Variants in ACOT11 observed in about 807,000 individuals in gnomAD.
The protein encoded by ACOT11 is acyl-coenzyme A thioesterase 11.
In ACOT11, 69 loss-of-function variants were observed where a neutral mutation model predicts 77.5. The ratio of observed to expected loss-of-function variants is 0.89; its 90% CI spans 0.73 to 1.09. The LOEUF (loss-of-function observed/expected upper bound fraction) is 1.09, where lower values mean the gene tolerates loss of function less well. Among genes scored for constraint, ACOT11 ranks in the 50% least tolerant of loss-of-function variants. The pLI is 0.00. For missense variants in ACOT11, 766 were observed against 813.7 expected (o/e 0.94, Z 0.71); for synonymous variants, 279 against 313.0 (o/e 0.89, Z 1.15).
chr1:54,609,545 A>T lies in ACOT11; in HGVS notation c.*433A>T. On this transcript the variant is annotated 3_prime_UTR_variant, in exon 16 of 16. Coordinates refer to ENST00000343744, the MANE Select transcript of ACOT11 (RefSeq NM_147161.4). ...CTGGCACAACTCTAGCATATCTGTG[A>T]GCAGCTGTTCCCTGTAGCCACTGCC... The T allele has an allele frequency of 1.9e-6, 3 of 1,612,850 alleles. No individual in the cohort carries two copies. The highest frequency in any genetic ancestry group is 2.2e-5 in the East Asian group (1 of 44,876).
At position 54,609,826 on chromosome 1, in the gene ACOT11, C is replaced by T; in HGVS notation, c.*714C>T. On this transcript the variant is annotated 3_prime_UTR_variant, in exon 16 of 16. Coordinates refer to ENST00000343744, the MANE Select transcript of ACOT11 (RefSeq NM_147161.4). ...AGTGTCCGGGATGTGTGGCCAGCTG[C>T]TGCAGGCAGGACTCCAGCGTCAGGA... is the stretch of plus-strand genomic sequence containing the variant. 6.2e-7 allele frequency: 1 copy of T among 1,614,206 alleles called. No homozygotes were observed. The highest frequency in any genetic ancestry group is 1.1e-5 in the South Asian group (1 of 91,092).
In ACOT11 at chr1:54,609,032, T is replaced by TG; in HGVS notation, c.1705_1706insG (p.Phe569CysfsTer9). ...CAACGTGGCCGGCCTCTCCTCTGAGTTCTACACCACCTTCAAGGCTTGTGA... is the reference window on the plus strand; with the variant it reads ...CAACGTGGCCGGCCTCTCCTCTGAGTGTCTACACCACCTTCAAGGCTTGTGA... On this transcript the variant is annotated frameshift_variant, in exon 16 of 16. Coordinates refer to ENST00000343744, the MANE Select transcript of ACOT11 (RefSeq NM_147161.4). LOFTEE classifies it high-confidence loss of function. The TG allele has an allele frequency of 1.2e-6, 2 of 1,602,498 alleles. No homozygotes were observed. The highest frequency in any genetic ancestry group is 1.7e-6 in the Non-Finnish European group (2 of 1,174,784).
chr1:54,593,480 G>A (rs1404627414), intron 4 of ACOT11, among the ~76,000 whole-genome samples: 1 of 41,932 alleles, frequency 2.4e-5, no homozygotes. Flanking sequence ...TTTTTTTTTT[G>A]CAGAGACAGG....
chr1:54,593,751 G>A (rs1306400725), intron 4 of ACOT11, among the ~76,000 whole-genome samples, 190 bp from the exon 5 acceptor site: 1 of 152,142 alleles, frequency 6.6e-6, no homozygotes, highest in Non-Finnish European at 1.5e-5. Flanking sequence ...ACTTGCCCAA[G>A]GTTTCCCGGG....
In ACOT11 at chr1:54,594,128, G is replaced by A; in HGVS notation, c.471+89G>A. ...CTGGCTCAGGGGAATGAGGTTAGGG[G>A]TTGGCAGAGGGGATGGGGAGGGACA... is the stretch of plus-strand genomic sequence containing the variant. On this transcript the variant is annotated intron_variant, in intron 5 of 15. Transcript: ENST00000343744. 5.0e-6 allele frequency: 6 copies of A among 1,203,794 alleles called. No homozygotes were observed. The South Asian group carries it at 5.5e-5, about 11-fold the overall frequency. 74.6% of individuals were successfully genotyped at this position (1,203,794 alleles called of 1,614,324 possible).
Position 54,609,938 on chromosome 1 carries a change from G to A in ACOT11, c.*826G>A, listed in dbSNP as rs1417417579. 6.2e-7 allele frequency: 1 copy of A among 1,602,158 alleles called. No individual in the cohort carries two copies. The highest frequency in any genetic ancestry group is 1.3e-5 in the African/African-American group (1 of 74,986). On this transcript the variant is annotated 3_prime_UTR_variant, in exon 16 of 16. Transcript: ENST00000343744. ...AGTGTTCAGCAGGATCATGCCTTCT[G>A]TGTCTGGAAGAGGCGGCAGAGGCAA...
At chr1:54,557,064 C>T (rs1480945227) in intron 1 of ACOT11, among the ~76,000 whole-genome samples, 1 of 152,024 alleles carries the variant, frequency 6.6e-6, no homozygotes, top group Non-Finnish European at 1.5e-5. Context: ...TGCCACCACA[C>T]CTGGCAGATT....
At chr1:54,634,660 G>A (rs918636633) in intron 16 of ACOT11, 2 of 700,380 alleles carry the variant, frequency 2.9e-6, no homozygotes, top group African/African-American at 1.7e-5. Flanking sequence ...AATAATTTGG[G>A]GTAGAGGTTA....
intron 1 of ACOT11, among the ~76,000 whole-genome samples, chr1:54,566,463 A>T (rs1653736663): frequency 6.6e-6 from 1 of 152,040 alleles, no homozygotes; most frequent in South Asian, 2.1e-4. Flanking sequence ...TCAAAAAAAA[A>T]AAAAAAAAAA....
chr1:54,608,618 T>C (rs993755952), intron 15 of ACOT11, among the ~76,000 whole-genome samples: 4 of 152,050 alleles, frequency 2.6e-5, no homozygotes, highest in Non-Finnish European at 5.9e-5. Flanking sequence ...TAATGTCTAA[T>C]GTGTCTCTAT....
rs5774191 is a variant in ACOT11 at position 54,567,282 on chromosome 1, C to CTT, written c.34-17360_34-17359dup. ...TTATTTATTTATTTTGACTTTTTTC[C>CTT]TTTTTTTTTTTTTTGAGATGCAGTC... On this transcript the variant is annotated intron_variant, in intron 1 of 15. Transcript: ENST00000343744. Among the ~76,000 whole-genome samples the CTT allele has an allele frequency of 7.3e-3, 1,013 of 139,684 alleles. 12 individuals are homozygous for CTT. Among genetic ancestry groups the CTT allele is most frequent in the Admixed American group, 0.013 (182 of 13,880 alleles). The allele number at this position is 139,684 out of a possible 152,430, so 91.6% of individuals were successfully genotyped here.
intron 1 of ACOT11, among the ~76,000 whole-genome samples, chr1:54,562,929 A>T (rs1653592640): frequency 7.3e-6 from 1 of 136,714 alleles, no homozygotes; most frequent in Admixed American, 7.3e-5. Flanking sequence ...CAGAGTGGGC[A>T]GCCAGGCAGA....
chr1:54,611,543 C>A (rs1461079121), downstream of ACOT11: 1 of 1,563,532 alleles, frequency 6.4e-7, no homozygotes, highest in Non-Finnish European at 8.8e-7. Flanking sequence ...TGCTCCAGTG[C>A]CCACCAGGTG....
chr1:54,623,291 G>A (rs754317541), intron 15 of ACOT11: 34 of 1,613,656 alleles, frequency 2.1e-5, no homozygotes, highest in Middle Eastern at 3.3e-4. Context: ...GCCGCCGCAG[G>A]GTGATGGCAA....
At chr1:54,562,891 C>T (rs1377453272) in intron 1 of ACOT11, among the ~76,000 whole-genome samples, 2 of 137,350 alleles carry the variant, frequency 1.5e-5, no homozygotes, top group African/African-American at 5.5e-5. Flanking sequence ...GATGGGATGG[C>T]GGCCGGGCGG....
At chr1:54,563,589 A>T (rs1653630905) in intron 1 of ACOT11, among the ~76,000 whole-genome samples, 1 of 152,116 alleles carries the variant, frequency 6.6e-6, no homozygotes, top group African/African-American at 2.4e-5. Flanking sequence ...GTCTTCAAGG[A>T]GTTTCTTATT....
chr1:54,551,958 T>C (rs1417143437), intron 1 of ACOT11, among the ~76,000 whole-genome samples: 1 of 152,030 alleles, frequency 6.6e-6, no homozygotes, highest in Non-Finnish European at 1.5e-5. Context: ...ATCCTACTGT[T>C]TTACCTTGAA....
At chr1:54,548,477 A>C (rs1652951617) in intron 1 of ACOT11, 135 bp downstream of exon 1, 2 of 1,209,720 alleles carry the variant, frequency 1.7e-6, no homozygotes. Context: ...CTCTCTTTGG[A>C]AGGAGAAATC....
chr1:54,601,255 C>G lies in ACOT11; in HGVS notation c.885-14C>G, dbSNP rs1166818038. On this transcript the variant is annotated splice_polypyrimidine_tract_variant and intron_variant, in intron 8 of 15. Coordinates refer to ENST00000343744, the MANE Select transcript of ACOT11 (RefSeq NM_147161.4). ...AGGTCTGTCCAGGTTGGAAGCCACA[C>G]TCCCTCCCCTCAGCATGGAGGTGGG... is the stretch of plus-strand genomic sequence containing the variant. 2 of 1,606,954 alleles carry G rather than the reference C, an allele frequency of 1.2e-6. No individual in the cohort carries two copies. Among genetic ancestry groups the G allele is most frequent in the Admixed American group, 3.3e-5 (2 of 59,890 alleles).
Sources: allele counts gnomAD v4.1 joint callset (sites outside exome capture counted in the v4.1 genomes callset), GRCh38; gene constraint gnomAD v4.1.1; transcripts MANE v1.5; gene names NCBI Gene and HGNC (gene_info 2026-07-23, HGNC 2026-07-21).